SNX29: variants seen among roughly 807,000 people sequenced by gnomAD.
The protein encoded by SNX29 is sorting nexin-29.
SNX29 carries 78 observed loss-of-function variants against 102.1 expected under a neutral mutation model. The ratio of observed to expected loss-of-function variants is 0.76; its 90% CI spans 0.64 to 0.92. The LOEUF (loss-of-function observed/expected upper bound fraction) is 0.92, where lower values mean the gene tolerates loss of function less well. SNX29 is among the 40% of genes least tolerant of loss of function. The probability of loss-of-function intolerance (pLI) is 0.00; values close to 1 mark genes in which losing one functional copy is unlikely to be tolerated. For missense variants in SNX29, 1,280 were observed against 1,061.7 expected (o/e 1.21, Z -2.86); for synonymous variants, 580 against 414.5 (o/e 1.40, Z -4.85).
chr16:12,446,965 G>T (rs575404718), intron 18 of SNX29, among the ~76,000 whole-genome samples: 1 of 151,844 alleles, frequency 6.6e-6, no homozygotes, highest in Admixed American at 6.6e-5. Flanking sequence ...AGGGGTTCAA[G>T]ACCAGCCTGA....
At chr16:12,039,670 G>T (rs946275439) in intron 4 of SNX29, among the ~76,000 whole-genome samples, 1 of 152,200 alleles carries the variant, frequency 6.6e-6, no homozygotes, top group African/African-American at 2.4e-5. Flanking sequence ...AGGTCTGACT[G>T]TAAAGACTCA....
At chr16:12,493,140 G>A (rs1597596397) in intron 19 of SNX29, among the ~76,000 whole-genome samples, 2 of 152,178 alleles carry the variant, frequency 1.3e-5, no homozygotes, top group African/African-American at 4.8e-5. Flanking sequence ...CCGTTTTCAT[G>A]ATACTGATTC....
intron 15 of SNX29, among the ~76,000 whole-genome samples, chr16:12,307,504 G>T (rs1183582828): frequency 1.3e-5 from 2 of 152,232 alleles, no homozygotes; most frequent in Admixed American, 1.3e-4. Flanking sequence ...TGCAGGGCTG[G>T]TCTGGGTACA....
chr16:12,160,765 G>A (rs140170087), intron 13 of SNX29, among the ~76,000 whole-genome samples: 2,629 of 152,340 alleles, frequency 0.017, 38 homozygotes, highest in Middle Eastern at 0.044. Flanking sequence ...AAAATCAAGT[G>A]TTAATAACAG....
intron 16 of SNX29, among the ~76,000 whole-genome samples, chr16:12,394,768 G>T (rs144174668): frequency 3.3e-5 from 5 of 152,322 alleles, no homozygotes; most frequent in African/African-American, 1.2e-4. Context: ...TAGACTAAGA[G>T]ATTTGGCTTG....
intron 11 of SNX29, among the ~76,000 whole-genome samples, chr16:12,086,589 T>C (rs538828157): frequency 2.0e-5 from 3 of 152,076 alleles, no homozygotes; most frequent in African/African-American, 7.2e-5. Flanking sequence ...TTTTAATGCT[T>C]ATTTTGTAGA....
In SNX29 at chr16:12,570,206, G is replaced by A. The variant is rs890894; in HGVS notation, c.*1577G>A. On this transcript the variant is annotated 3_prime_UTR_variant, in exon 21 of 21. Transcript: ENST00000566228. ...AGTCAGCCTACATGACTTCCAAGGG[G>A]ACCTGGGGCCAGATAAGCCCTGCCC... The A allele has an allele frequency of 0.6, 643,870 of 1,064,522 alleles. 195,802 individuals carry two copies. Among genetic ancestry groups the A allele is most frequent in the African/African-American group, 0.66 (40,482 of 61,012 alleles). The allele number at this position is 1,064,522 out of a possible 1,614,324, so 65.9% of individuals were successfully genotyped here.
chr16:12,442,417 T>C (rs1321027573), intron 18 of SNX29, among the ~76,000 whole-genome samples: 1 of 152,192 alleles, frequency 6.6e-6, no homozygotes, highest in Non-Finnish European at 1.5e-5. Flanking sequence ...TTTTATCTTT[T>C]GTGCAATCTT....
rs200716622 is a variant in SNX29 at position 12,278,015 on chromosome 16, C to T, written c.1761C>T (p.Ser587=). Residue 587 remains serine (S), a synonymous_variant, in exon 15 of 21, where the codon TCC becomes TCT. Coordinates refer to ENST00000566228, the MANE Select transcript of SNX29 (RefSeq NM_032167.5). The part of the protein sequence containing the change: ...PGEIAEELAS[S]YERKLIEVAE... ...AAATTGCTGAAGAACTCGCAAGCTC[C>T]TACGAAAGAAAGCTCATCGAGGTAA... 5.6e-6 allele frequency: 9 copies of T among 1,603,600 alleles called. No individual in the cohort carries two copies. The Admixed American group carries it at 6.8e-5, about 12-fold the overall frequency.
At chr16:12,541,208 A>G (rs2077320211) in intron 20 of SNX29, among the ~76,000 whole-genome samples, 1 of 152,164 alleles carries the variant, frequency 6.6e-6, no homozygotes, top group Admixed American at 6.5e-5. Flanking sequence ...ATTATGGAAT[A>G]TTGGTGCATG....
chr16:12,138,955 C>A (rs551243868), intron 13 of SNX29, among the ~76,000 whole-genome samples: 1 of 152,142 alleles, frequency 6.6e-6, no homozygotes, highest in East Asian at 1.9e-4. Context: ...GTAATCCCAA[C>A]ACTTTGGGAG....
chr16:12,176,050 G>A (rs977218158), intron 13 of SNX29, among the ~76,000 whole-genome samples: 6 of 151,828 alleles, frequency 4.0e-5, no homozygotes, highest in African/African-American at 1.2e-4. Flanking sequence ...AATGATATCA[G>A]GGGACACACT....
chr16:12,365,193 C>G (rs1052798329), intron 16 of SNX29, among the ~76,000 whole-genome samples: 3 of 152,092 alleles, frequency 2.0e-5, no homozygotes, highest in African/African-American at 7.2e-5. Flanking sequence ...CTGTTGTGCT[C>G]CAGGCACAGC....
At chr16:12,130,415 C>T (rs1193540487) in intron 13 of SNX29, among the ~76,000 whole-genome samples, 1 of 127,326 alleles carries the variant, frequency 7.9e-6, no homozygotes, top group Non-Finnish European at 1.5e-5. Context: ...GTGGAGCTTG[C>T]AGTGAGCTGA....
chr16:12,440,945 C>T (rs751638887), intron 18 of SNX29, among the ~76,000 whole-genome samples: 1 of 152,170 alleles, frequency 6.6e-6, no homozygotes, highest in African/African-American at 2.4e-5. Context: ...ATATTTTTCT[C>T]TGCAGATTTT....
At chr16:12,079,716 A>C (rs1409396346) in intron 11 of SNX29, among the ~76,000 whole-genome samples, 1 of 152,184 alleles carries the variant, frequency 6.6e-6, no homozygotes, top group African/African-American at 2.4e-5. Context: ...ATTTCTCTCT[A>C]TCCAGAGGTA....
At chr16:12,507,494 T>C (rs2089430171) in intron 19 of SNX29, among the ~76,000 whole-genome samples, 1 of 152,236 alleles carries the variant, frequency 6.6e-6, no homozygotes, top group Admixed American at 6.5e-5. Context: ...TTCTTGTTGA[T>C]GTTACTGTTT....
At chr16:12,250,506 C>A (rs2078390016) in intron 14 of SNX29, among the ~76,000 whole-genome samples, 1 of 152,200 alleles carries the variant, frequency 6.6e-6, no homozygotes, top group Non-Finnish European at 1.5e-5. Flanking sequence ...GGAGCTTTTT[C>A]TGCAGGGCTC....
intron 13 of SNX29, among the ~76,000 whole-genome samples, chr16:12,189,134 C>T (rs1324577287): frequency 2.0e-5 from 3 of 152,170 alleles, no homozygotes; most frequent in Admixed American, 1.3e-4. Context: ...TAATTTTTCA[C>T]CCCTGAGTCT....
Sources: gnomAD v4.1 joint callset for allele counts (sites outside exome capture counted in the v4.1 genomes callset) on GRCh38, gnomAD v4.1.1 for gene constraint, MANE v1.5 for transcripts, NCBI Gene and HGNC (gene_info 2026-07-23, HGNC 2026-07-21) for gene names.